VPS53: variants seen among roughly 807,000 people sequenced by gnomAD.
VPS53 encodes VPS53 subunit of GARP complex.
Under a neutral mutation model 107.0 loss-of-function variants are expected in VPS53, and 70 were observed. The ratio of observed to expected loss-of-function variants is 0.65; its 90% CI spans 0.54 to 0.80. The LOEUF (loss-of-function observed/expected upper bound fraction) is 0.80, where lower values mean the gene tolerates loss of function less well. Among genes scored for constraint, VPS53 ranks in the 30% least tolerant of loss-of-function variants. The probability of loss-of-function intolerance (pLI) is 0.00; values close to 1 mark genes in which losing one functional copy is unlikely to be tolerated. For missense variants in VPS53, 917 were observed against 1,049.4 expected (o/e 0.87, Z 1.74); for synonymous variants, 409 against 393.3 (o/e 1.04, Z -0.47).
intron 13 of VPS53, among the ~76,000 whole-genome samples, chr17:567,367 T>A (rs767772975): frequency 9.2e-5 from 14 of 152,210 alleles, no homozygotes; most frequent in Non-Finnish European, 2.1e-4. Flanking sequence ...TCACCCTGCA[T>A]CAGCATGCTT....
At chr17:571,763 T>TCC (rs1269268268) in intron 13 of VPS53, among the ~76,000 whole-genome samples, 1 of 152,268 alleles carries the variant, frequency 6.6e-6, no homozygotes, top group Non-Finnish European at 1.5e-5. Context: ...CGGGCTGGTC[T>TCC]CCAGCTCCTA....
chr17:696,104 C>G lies in VPS53; in HGVS notation c.285+1314G>C, dbSNP rs79253212. Among the ~76,000 whole-genome samples, 317 of 152,236 alleles carry G rather than the reference C, an allele frequency of 2.1e-3. 9 individuals carry two copies. The East Asian group carries it at 0.056, about 27-fold the overall frequency. ...AAAAAAATACAGGAGTCCAGAAAAC[C>G]AGAACAGTTTTAGGAACCTAATGTG... On this transcript the variant is annotated intron_variant, in intron 4 of 21. Coordinates refer to ENST00000437048, the MANE Select transcript of VPS53 (RefSeq NM_001128159.3).
chr17:551,761 A>G, intron 17 of VPS53, 111 bp downstream of exon 17: 1 of 941,708 alleles, frequency 1.1e-6, no homozygotes, highest in Non-Finnish European at 1.5e-6. Flanking sequence ...CATTCTCCTC[A>G]GCTGATCCTT....
chr17:630,838 A>G (rs1248254068), intron 8 of VPS53, among the ~76,000 whole-genome samples: 3 of 152,140 alleles, frequency 2.0e-5, no homozygotes, highest in African/African-American at 2.4e-5. Context: ...GCCTTGAACA[A>G]TTCTTTCTCT....
chr17:562,548 T>C lies in VPS53; in HGVS notation c.1511A>G (p.Tyr504Cys). ...GATTTTCCAGGCGTATTCTCGGAGG[T>C]ACTTCTGGAAAATGGTGGTCAGGGC... Reference protein sequence around the residue: ...MIALTTIFQKYLREYAWKILS... With the variant: ...MIALTTIFQKCLREYAWKILS... The change falls in exon 14 of 22, where the codon TAC (tyrosine) becomes TGC (cysteine). Residue 504 changes from tyrosine (Y) to cysteine (C), a missense_variant. Tyr to Cys is a radical substitution (Grantham distance 194). Coordinates refer to ENST00000437048, the MANE Select transcript of VPS53 (RefSeq NM_001128159.3). The C allele has an allele frequency of 1.9e-6, 3 of 1,613,976 alleles. No homozygotes were observed. The South Asian group carries it at 3.3e-5, about 18-fold the overall frequency.
rs1018017037 is a variant in VPS53 at position 519,577 on chromosome 17, CCCCCTG to C, written c.2328+243_2328+248del. Among the ~76,000 whole-genome samples, 1 of 152,186 alleles carries C rather than the reference CCCCCTG, an allele frequency of 6.6e-6. No individual in the cohort carries two copies. Among genetic ancestry groups the C allele is most frequent in the African/African-American group, 2.4e-5 (1 of 41,428 alleles). On this transcript the variant is annotated intron_variant, in intron 21 of 21. Transcript: ENST00000437048. The surrounding 1 kb of genome is among the most constrained non-coding windows in gnomAD (Gnocchi z 5.0). Reference sequence around the variant, plus strand: ...GGAAGGACAACATGCCTGTCCTCATCCCCCTGCCCCTGCCCCATCCTCCCTGTGCAG... The same window carrying C: ...GGAAGGACAACATGCCTGTCCTCATCCCCCTGCCCCATCCTCCCTGTGCAG...
At chr17:588,210 T>A (rs1056663939) in intron 12 of VPS53, among the ~76,000 whole-genome samples, 1 of 152,070 alleles carries the variant, frequency 6.6e-6, no homozygotes, top group Non-Finnish European at 1.5e-5. Context: ...CCCAGCTACT[T>A]GAGAGGCTGA....
intron 19 of VPS53, among the ~76,000 whole-genome samples, chr17:528,879 G>A (rs1449167066): frequency 6.6e-6 from 1 of 152,136 alleles, no homozygotes; most frequent in Non-Finnish European, 1.5e-5. Context: ...GATTACAGGT[G>A]TGAACCATGC....
chr17:560,656 G>T (rs1912864801), intron 14 of VPS53, 83 bp from the exon 15 acceptor site: 2 of 1,508,040 alleles, frequency 1.3e-6, no homozygotes, highest in African/African-American at 1.4e-5. Flanking sequence ...TTAAGATACA[G>T]AAAAGGGGGA....
chr17:638,690 G>T (rs1444388028), intron 7 of VPS53, among the ~76,000 whole-genome samples: 1 of 152,142 alleles, frequency 6.6e-6, no homozygotes, highest in African/African-American at 2.4e-5. Flanking sequence ...AGTTTGGCTG[G>T]ATATGAAATT....
intron 10 of VPS53, among the ~76,000 whole-genome samples, chr17:624,701 G>A (rs1217510710): frequency 6.6e-6 from 1 of 152,150 alleles, no homozygotes; most frequent in Non-Finnish European, 1.5e-5. Context: ...CATACGTCCA[G>A]CCTCTCCCAG....
chr17:656,887 T>C, intron 5 of VPS53: 1 of 1,552,568 alleles, frequency 6.4e-7, no homozygotes, highest in Non-Finnish European at 8.9e-7. Flanking sequence ...AAATCCATCG[T>C]TTGTTGCCCT....
intron 13 of VPS53, among the ~76,000 whole-genome samples, chr17:577,497 G>A (rs745398803): frequency 2.1e-5 from 3 of 142,440 alleles, no homozygotes; most frequent in Non-Finnish European, 4.6e-5. Flanking sequence ...ACCTAATGCG[G>A]TCCCAGAGAA....
At chr17:629,808 AC>A (rs1359047718) in intron 8 of VPS53, among the ~76,000 whole-genome samples, 3 of 66,224 alleles carry the variant, frequency 4.5e-5, no homozygotes, top group African/African-American at 1.7e-4. Flanking sequence ...CAAAAAAAAA[AC>A]CACACACACA....
intron 4 of VPS53, among the ~76,000 whole-genome samples, chr17:689,418 C>T (rs1051502261): frequency 6.6e-6 from 1 of 151,478 alleles, no homozygotes; most frequent in Non-Finnish European, 1.5e-5. Context: ...CTACCTCAAA[C>T]TCCTGAGTAG....
chr17:705,140 G>A (rs1597509834), intron 2 of VPS53, among the ~76,000 whole-genome samples: 1 of 152,130 alleles, frequency 6.6e-6, no homozygotes, highest in South Asian at 2.1e-4. Context: ...GATGACCTGA[G>A]TATGTTCAAA....
rs557780179 is a variant in VPS53 at position 599,773 on chromosome 17, AAAC to A, written c.1218+2019_1218+2021del. ...TAAAAAATAAATAAATTAAAAAAAA[AAAC>A]AAAAACAAAATGACTTGCGATAAAA... On this transcript the variant is annotated intron_variant, in intron 12 of 21. Coordinates refer to ENST00000437048, the MANE Select transcript of VPS53 (RefSeq NM_001128159.3). Among the ~76,000 whole-genome samples, 946 of 114,016 alleles carry A rather than the reference AAAC, an allele frequency of 8.3e-3. 6 individuals are homozygous for A. Among genetic ancestry groups the A allele is most frequent in the Non-Finnish European group, 0.012 (605 of 50,760 alleles). 74.8% of individuals were successfully genotyped at this position (114,016 alleles called of 152,430 possible). A position where few individuals can be genotyped will look rare whatever the true frequency, so the allele number is the denominator to read the frequency against.
intron 11 of VPS53, among the ~76,000 whole-genome samples, chr17:621,477 T>A (rs1219737324): frequency 6.6e-6 from 1 of 152,222 alleles, no homozygotes; most frequent in Non-Finnish European, 1.5e-5. Context: ...AGGACATGCA[T>A]ATTTACATTT....
intron 2 of VPS53, among the ~76,000 whole-genome samples, chr17:699,755 T>C (rs576557072): frequency 6.6e-6 from 1 of 152,212 alleles, no homozygotes; most frequent in Non-Finnish European, 1.5e-5. Flanking sequence ...GTGTACGTGA[T>C]TGTGACAAAT....
Sources: allele counts gnomAD v4.1 joint callset (sites outside exome capture counted in the v4.1 genomes callset), GRCh38; gene constraint gnomAD v4.1.1; non-coding constraint Gnocchi (gnomAD v3.1); transcripts MANE v1.5; gene names NCBI Gene and HGNC (gene_info 2026-07-23, HGNC 2026-07-21).